The following ROBO1 variants were observed in gnomAD, a reference collection of about 807,000 sequenced individuals.
The protein encoded by ROBO1 is roundabout guidance receptor 1, also known as roundabout homolog 1.
In ROBO1, 149 loss-of-function variants were observed where a neutral mutation model predicts 195.9. That is an observed-to-expected ratio of 0.76 (90% CI 0.67 to 0.87). ROBO1 has a LOEUF of 0.87. Among genes scored for constraint, ROBO1 ranks in the 40% least tolerant of loss-of-function variants. ROBO1 has a pLI of 0.00. For missense variants in ROBO1, 1,933 were observed against 2,068.3 expected, an observed-to-expected ratio of 0.93 and a Z score of 1.27; for synonymous variants, 816 against 733.2, an observed-to-expected ratio of 1.11 and a Z score of -1.82.
chr3:79,462,607 A>G lies in ROBO1; in HGVS notation c.88+127217T>C, dbSNP rs182167232. 2.7e-3 allele frequency among the ~76,000 whole-genome samples: 415 copies of G among 152,354 alleles called. 2 individuals are homozygous for G. The highest frequency in any genetic ancestry group is 8.7e-3 in the African/African-American group (361 of 41,586). ...TTACTAGACAATGAAGCACTTTTGG[A>G]AAGAAAATAAAGTTACCTACGAAAT... is the stretch of plus-strand genomic sequence containing the variant. On this transcript the variant is annotated intron_variant, in intron 2 of 30. Coordinates refer to ENST00000464233, the MANE Select transcript of ROBO1 (RefSeq NM_002941.4).
At position 78,685,897 on chromosome 3, in the gene ROBO1, T is replaced by G. The variant is rs936079595; in HGVS notation, c.1191A>C (p.Gln397His). 13 of 1,597,188 alleles carry G rather than the reference T, an allele frequency of 8.1e-6. No homozygotes were observed. Among genetic ancestry groups the G allele is most frequent in the African/African-American group, 2.7e-5 (2 of 74,658 alleles). Residue 397 changes from glutamine to histidine, a missense_variant, in exon 10 of 31, where the codon CAA becomes CAC. Around this residue, in one of 3 missense-constraint regions of ROBO1, gnomAD observed 1,737 missense variants for 1,882.5 expected, o/e 0.92. Coordinates refer to ENST00000464233, the MANE Select transcript of ROBO1 (RefSeq NM_002941.4). Reference protein sequence around the residue: ...EGSQNLLFSYQPPQSSSRFSV... With the variant: ...EGSQNLLFSYHPPQSSSRFSV... ...AAAATCGGCTGGATGACTGTGGTGG[T>G]TGATATGAGAAAAGTAGATTCTAGA...
intron 2 of ROBO1, among the ~76,000 whole-genome samples, chr3:79,139,987 C>T (rs1184447663): frequency 6.6e-6 from 1 of 152,056 alleles, no homozygotes. Flanking sequence ...AATAGCAATA[C>T]CTAAATGAAC....
At chr3:78,772,806 G>A (rs1310918718) in intron 4 of ROBO1, among the ~76,000 whole-genome samples, 1 of 151,918 alleles carries the variant, frequency 6.6e-6, no homozygotes, top group Non-Finnish European at 1.5e-5. Context: ...CACAAGAATT[G>A]GTGAAGAGTT....
intron 3 of ROBO1, among the ~76,000 whole-genome samples, chr3:78,950,963 A>G (rs925261620): frequency 6.6e-6 from 1 of 151,894 alleles, no homozygotes; most frequent in Non-Finnish European, 1.5e-5. Context: ...TTAAAATTCA[A>G]TATCATTGGT....
Position 78,679,052 on chromosome 3 carries a change from T to C in ROBO1, c.1342+6694A>G, listed in dbSNP as rs568876222. Among the ~76,000 whole-genome samples, 46 of 152,290 alleles carry C rather than the reference T, an allele frequency of 3.0e-4. No individual in the cohort carries two copies. In the East Asian group the frequency reaches 6.7e-3, roughly 22 times the overall value. The stretch of plus-strand genomic sequence containing the variant: ...AAATCAATAAATGTAATCCAGCATA[T>C]AAACAGAACCAAAGACAAAAACCAC... On this transcript the variant is annotated intron_variant, in intron 10 of 30. Coordinates refer to ENST00000464233, the MANE Select transcript of ROBO1 (RefSeq NM_002941.4).
chr3:78,670,816 C>T lies in ROBO1; in HGVS notation c.1343-515G>A, dbSNP rs190032461. On this transcript the variant is annotated intron_variant, in intron 10 of 30. Coordinates refer to ENST00000464233, the MANE Select transcript of ROBO1 (RefSeq NM_002941.4). The stretch of plus-strand genomic sequence containing the variant: ...GGATCCAAAAAAGTGCATTGGATTT[C>T]GTAATTTAATAAATCAGTGTGATTG... Among the ~76,000 whole-genome samples, 52 of 152,220 alleles carry T rather than the reference C, an allele frequency of 3.4e-4. No individual in the cohort carries two copies. In the East Asian group the frequency reaches 6.0e-3, roughly 17 times the overall value.
At chr3:78,656,345 A>ATTTTTTT in intron 18 of ROBO1, among the ~76,000 whole-genome samples, 2 of 88,608 alleles carry the variant, frequency 2.3e-5, no homozygotes, top group Non-Finnish European at 4.4e-5. Context: ...TGCTTATTTG[A>ATTTTTTT]TTTTTTTTTT....
intron 3 of ROBO1, among the ~76,000 whole-genome samples, chr3:79,110,994 T>G (rs1195686216): frequency 1.3e-5 from 2 of 152,094 alleles, no homozygotes; most frequent in Non-Finnish European, 2.9e-5. Flanking sequence ...ATATATCACT[T>G]GTGGCCACCT....
intron 2 of ROBO1, among the ~76,000 whole-genome samples, chr3:79,208,761 G>C (rs903162152): frequency 4.0e-5 from 6 of 151,504 alleles, no homozygotes; most frequent in Admixed American, 1.3e-4. Flanking sequence ...TGGTTGGCGG[G>C]GGCATGGTGT....
At chr3:78,844,113 G>T (rs1412536631) in intron 4 of ROBO1, among the ~76,000 whole-genome samples, 1 of 152,008 alleles carries the variant, frequency 6.6e-6, no homozygotes, top group African/African-American at 2.4e-5. Context: ...TGCTATTTTT[G>T]TGTTCCCTTT....
At chr3:78,612,089 T>G (rs1044442805) in intron 28 of ROBO1, among the ~76,000 whole-genome samples, 3 of 152,196 alleles carry the variant, frequency 2.0e-5, no homozygotes, top group African/African-American at 7.2e-5. Context: ...ACATGGCCAC[T>G]CTTTATCCTT....
At chr3:79,227,161 T>C (rs2082240332) in intron 2 of ROBO1, among the ~76,000 whole-genome samples, 1 of 152,184 alleles carries the variant, frequency 6.6e-6, no homozygotes, top group Non-Finnish European at 1.5e-5. Context: ...CTGTCTTCTT[T>C]AGTCTTTGTG....
chr3:78,904,245 T>TC lies in ROBO1; in HGVS notation c.499+34355_499+34356insG. ...GTCTGTCTGTATCATACCCAAAGGG[T>TC]GTGAATCCATTCAGTAGGTTGAAGT... On this transcript the variant is annotated intron_variant, in intron 4 of 30. Coordinates refer to ENST00000464233, the MANE Select transcript of ROBO1 (RefSeq NM_002941.4). Among the ~76,000 whole-genome samples the TC allele has an allele frequency of 2.0e-5, 3 of 152,206 alleles. No individual in the cohort carries two copies. The Middle Eastern group carries it at 0.01, about 518-fold the overall frequency.
At chr3:79,556,690 A>G (rs1001232536) in intron 2 of ROBO1, among the ~76,000 whole-genome samples, 3 of 151,960 alleles carry the variant, frequency 2.0e-5, no homozygotes, top group Non-Finnish European at 4.4e-5. Context: ...GTTTACTGAT[A>G]TAAAAATTAG....
At chr3:79,517,373 C>T (rs995308905) in intron 2 of ROBO1, among the ~76,000 whole-genome samples, 6 of 152,134 alleles carry the variant, frequency 3.9e-5, no homozygotes, top group East Asian at 1.9e-4. Flanking sequence ...ATTTCCTTGC[C>T]GGTGGCCTTT....
chr3:79,019,337 GAGA>G (rs2078045669), intron 3 of ROBO1: 1 of 985,604 alleles, frequency 1.0e-6, no homozygotes, highest in Admixed American at 6.1e-5. Context: ...CGGGGTGGCA[GAGA>G]AGGGCAGAGA....
intron 2 of ROBO1, among the ~76,000 whole-genome samples, chr3:79,484,342 A>G (rs1349909846): frequency 6.6e-6 from 1 of 152,102 alleles, no homozygotes; most frequent in East Asian, 1.9e-4. Flanking sequence ...CTGCGGAAAA[A>G]TTCATATCTT....
intron 3 of ROBO1, among the ~76,000 whole-genome samples, chr3:78,949,171 A>G (rs566748616): frequency 1.4e-5 from 2 of 138,078 alleles, no homozygotes; most frequent in East Asian, 4.0e-4. Flanking sequence ...TTTAAAGTTC[A>G]TATGGAACCA....
At chr3:79,451,092 GAC>G (rs2039428674) in intron 2 of ROBO1, among the ~76,000 whole-genome samples, 1 of 151,204 alleles carries the variant, frequency 6.6e-6, no homozygotes, top group Non-Finnish European at 1.5e-5. Context: ...CACTTTATAT[GAC>G]ATATTTTACC....
Sources: gnomAD v4.1 joint callset for allele counts (sites outside exome capture counted in the v4.1 genomes callset) on GRCh38, gnomAD v4.1.1 for gene constraint, gnomAD v4.1.1 regional missense constraint, MANE v1.5 for transcripts, NCBI Gene and HGNC (gene_info 2026-07-23, HGNC 2026-07-21) for gene names.